The following CDH8 variants were observed in gnomAD, a reference collection of about 807,000 sequenced individuals.
CDH8 encodes the protein cadherin-8.
Under a neutral mutation model 68.1 loss-of-function variants are expected in CDH8, and 17 were observed. The ratio of observed to expected loss-of-function variants is 0.25; its 90% CI spans 0.17 to 0.37. The LOEUF (loss-of-function observed/expected upper bound fraction) is 0.37. Among genes scored for constraint, CDH8 ranks in the 10% least tolerant of loss-of-function variants. CDH8 has a pLI of 1.00. For synonymous variants in CDH8, 372 were observed against 365.1 expected, an observed-to-expected ratio of 1.02 and a Z score of -0.21; for missense variants, 763 against 999.3, an observed-to-expected ratio of 0.76 and a Z score of 3.19.
Position 61,901,166 on chromosome 16 carries a change from G to A in CDH8, c.547+13C>T, listed in dbSNP as rs1447475926. The A allele has an allele frequency of 6.2e-7, 1 of 1,607,490 alleles. No homozygotes were observed. Among genetic ancestry groups the A allele is most frequent in the Non-Finnish European group, 8.5e-7 (1 of 1,176,188 alleles). On this transcript the variant is annotated intron_variant, in intron 3 of 11. Transcript: ENST00000577390. Reference sequence around the variant, plus strand: ...GACTTTTAATAGATCTGTGAAATTGGAAGCATACATACCCAAAATGGACAT... The same window carrying A: ...GACTTTTAATAGATCTGTGAAATTGAAAGCATACATACCCAAAATGGACAT...
chr16:61,905,031 G>C (rs758622588), intron 2 of CDH8, among the ~76,000 whole-genome samples: 1 of 152,208 alleles, frequency 6.6e-6, no homozygotes, highest in Non-Finnish European at 1.5e-5. Flanking sequence ...AGGTGGATTC[G>C]TTTCATCTGG....
chr16:61,862,072 C>A (rs562010238), intron 3 of CDH8, among the ~76,000 whole-genome samples: 1 of 151,734 alleles, frequency 6.6e-6, no homozygotes, highest in Non-Finnish European at 1.5e-5. Flanking sequence ...TATATCCACA[C>A]GCTTAGAAAG....
intron 8 of CDH8, among the ~76,000 whole-genome samples, chr16:61,784,278 G>T (rs1961171459): frequency 6.6e-6 from 1 of 151,754 alleles, no homozygotes; most frequent in South Asian, 2.1e-4. Context: ...AAAGGCAGGG[G>T]TTGCAATCCT....
rs150462483 is a variant in CDH8, at chr16:61,652,792, C to T, written c.*816G>A. 509 of 1,347,584 alleles carry T rather than the reference C, an allele frequency of 3.8e-4. 1 individual carries two copies. The highest frequency in any genetic ancestry group is 2.3e-3 in the Middle Eastern group (11 of 4,750). 83.5% of individuals were successfully genotyped at this position (1,347,584 alleles called of 1,614,324 possible). On this transcript the variant is annotated 3_prime_UTR_variant, in exon 12 of 12. Transcript: ENST00000577390. ...CGAGGATTAAACAAATAAATTCACG[C>T]GCTAGCAATAAAACCATCTGTCTCT...
intron 2 of CDH8, among the ~76,000 whole-genome samples, chr16:61,958,736 A>G (rs1965027216): frequency 6.6e-6 from 1 of 152,150 alleles, no homozygotes; most frequent in Non-Finnish European, 1.5e-5. Flanking sequence ...AATACTCAAT[A>G]ATTACAATTG....
At chr16:61,811,174 G>A (rs918872614) in intron 7 of CDH8, among the ~76,000 whole-genome samples, 2 of 152,104 alleles carry the variant, frequency 1.3e-5, no homozygotes, top group African/African-American at 4.8e-5. Flanking sequence ...AGGTTCAGCT[G>A]ACAATAATTG....
At chr16:61,866,131 G>A (rs561523385) in intron 3 of CDH8, among the ~76,000 whole-genome samples, 25 of 151,940 alleles carry the variant, frequency 1.6e-4, no homozygotes, top group Non-Finnish European at 3.5e-4. Flanking sequence ...GGCTGAGGTT[G>A]GAGGATCACT....
At chr16:61,820,582 C>A (rs1015283733) in intron 6 of CDH8, among the ~76,000 whole-genome samples, 1 of 151,882 alleles carries the variant, frequency 6.6e-6, no homozygotes, top group Non-Finnish European at 1.5e-5. Flanking sequence ...ACCAATTTTT[C>A]TCCCCCTTTG....
intron 4 of CDH8, among the ~76,000 whole-genome samples, chr16:61,843,652 CTTT>C (rs1469304795): frequency 3.3e-5 from 5 of 152,012 alleles, no homozygotes; most frequent in African/African-American, 1.2e-4. Flanking sequence ...AGAGGCTTAG[CTTT>C]TGTTTGTTTG....
intron 10 of CDH8, among the ~76,000 whole-genome samples, chr16:61,707,828 C>T (rs1964561831): frequency 6.6e-6 from 1 of 152,038 alleles, no homozygotes; most frequent in Admixed American, 6.5e-5. Flanking sequence ...TTTGGTTGTG[C>T]TTTCCAAAGG....
At chr16:61,684,243 G>A (rs1485612312) in intron 10 of CDH8, among the ~76,000 whole-genome samples, 2 of 151,964 alleles carry the variant, frequency 1.3e-5, no homozygotes, top group Non-Finnish European at 2.9e-5. Flanking sequence ...TAGAAGACTA[G>A]GTTAAGAAAG....
At chr16:61,902,156 A>ATT (rs1189838839) in intron 2 of CDH8, among the ~76,000 whole-genome samples, 16 of 152,220 alleles carry the variant, frequency 1.1e-4, no homozygotes, top group African/African-American at 3.9e-4. Context: ...AGAGAAGAAC[A>ATT]CTGAGGCCAG....
chr16:61,752,747 T>C (rs1040028719), intron 8 of CDH8, among the ~76,000 whole-genome samples: 3 of 152,224 alleles, frequency 2.0e-5, no homozygotes, highest in Admixed American at 6.5e-5. Context: ...TTGCCATTCA[T>C]TTATAAAGTG....
intron 2 of CDH8, among the ~76,000 whole-genome samples, chr16:62,003,211 C>T (rs1205012297): frequency 6.6e-6 from 1 of 152,146 alleles, no homozygotes; most frequent in Non-Finnish European, 1.5e-5. Flanking sequence ...AAGATTCCTT[C>T]TCTTCAGTAT....
intron 8 of CDH8, among the ~76,000 whole-genome samples, chr16:61,782,449 G>A (rs373096551): frequency 4.0e-5 from 6 of 151,822 alleles, no homozygotes; most frequent in South Asian, 2.1e-4. Context: ...CGCCCACGGA[G>A]TCTCGCTGAT....
At chr16:61,841,626 C>T (rs1962685474) in intron 4 of CDH8, among the ~76,000 whole-genome samples, 1 of 151,830 alleles carries the variant, frequency 6.6e-6, no homozygotes, top group African/African-American at 2.4e-5. Context: ...TGACTATAGT[C>T]AATAATAATA....
At position 61,822,812 on chromosome 16, in the gene CDH8, C is replaced by T. The variant is rs188785749; in HGVS notation, c.836-1699G>A. ...TTAAATAAATAAGACAGCAAGGGGC[C>T]GCGCCGTGCTGCTAGTCCTACATGG... On this transcript the variant is annotated intron_variant, in intron 5 of 11. Coordinates refer to ENST00000577390, the MANE Select transcript of CDH8 (RefSeq NM_001796.5). 4.0e-4 allele frequency among the ~76,000 whole-genome samples: 60 copies of T among 151,890 alleles called. No homozygotes were observed. In the East Asian group the frequency reaches 6.3e-3, roughly 16 times the overall value.
intron 7 of CDH8, among the ~76,000 whole-genome samples, chr16:61,808,502 T>C (rs969928848): frequency 1.7e-4 from 26 of 152,196 alleles, no homozygotes; most frequent in African/African-American, 6.0e-4. Context: ...AAGCCAGCTT[T>C]TTCTGGCAGA....
chr16:62,024,585 T>C (rs1361035004), intron 1 of CDH8, among the ~76,000 whole-genome samples: 1 of 152,118 alleles, frequency 6.6e-6, no homozygotes, highest in Admixed American at 6.5e-5. Context: ...CTCACCAGAA[T>C]AAGTTAAAAA....
Sources: gnomAD v4.1 joint callset for allele counts (sites outside exome capture counted in the v4.1 genomes callset) on GRCh38, gnomAD v4.1.1 for gene constraint, MANE v1.5 for transcripts, NCBI Gene and HGNC (gene_info 2026-07-23, HGNC 2026-07-21) for gene names.